Variants in DCC observed in about 807,000 individuals in gnomAD.
DCC encodes the protein DCC netrin 1 receptor.
A neutral mutation model predicts 172.5 loss-of-function variants in DCC; 58 were observed. That is an observed-to-expected ratio of 0.34 (90% CI 0.27 to 0.42). The LOEUF (loss-of-function observed/expected upper bound fraction) is 0.42. Among genes scored for constraint, DCC ranks in the 10% least tolerant of loss-of-function variants. The pLI is 1.00. For missense variants in DCC, 1,740 were observed against 1,791.0 expected, an observed-to-expected ratio of 0.97 and a Z score of 0.51; for synonymous variants, 709 against 644.5, an observed-to-expected ratio of 1.10 and a Z score of -1.52.
At chr18:52,518,949 C>A (rs957245684) in intron 1 of DCC, among the ~76,000 whole-genome samples, 4 of 152,144 alleles carry the variant, frequency 2.6e-5, no homozygotes, top group Admixed American at 1.3e-4. Context: ...TAATTTGTAA[C>A]CCTAAATGAA....
At chr18:53,175,261 T>G (rs1054302708) in intron 8 of DCC, among the ~76,000 whole-genome samples, 3 of 151,902 alleles carry the variant, frequency 2.0e-5, no homozygotes, top group Admixed American at 6.6e-5. Flanking sequence ...CTTTGAAAAC[T>G]GGCACAAGAC....
At chr18:53,352,956 C>T (rs1471707060) in intron 15 of DCC, among the ~76,000 whole-genome samples, 1 of 152,028 alleles carries the variant, frequency 6.6e-6, no homozygotes, top group African/African-American at 2.4e-5. Context: ...ATATCTTGAC[C>T]TTACCATTAT....
At chr18:52,781,734 A>T (rs926534220) in intron 2 of DCC, among the ~76,000 whole-genome samples, 2 of 152,176 alleles carry the variant, frequency 1.3e-5, no homozygotes, top group African/African-American at 4.8e-5. Context: ...TATGAAGAGG[A>T]CTTTGTCTCT....
intron 1 of DCC, among the ~76,000 whole-genome samples, chr18:52,727,641 T>C (rs1242353831): frequency 2.0e-5 from 3 of 152,332 alleles, no homozygotes; most frequent in East Asian, 3.9e-4. Context: ...TTTTAATTTC[T>C]TTATGTTGAA....
intron 7 of DCC, among the ~76,000 whole-genome samples, chr18:53,150,858 C>A (rs549203609): frequency 6.6e-6 from 1 of 152,344 alleles, no homozygotes; most frequent in South Asian, 2.1e-4. Flanking sequence ...ACTCCTGAAA[C>A]CTAGCTCCGC....
chr18:53,235,561 C>G (rs2144625223), intron 12 of DCC, among the ~76,000 whole-genome samples: 1 of 152,224 alleles, frequency 6.6e-6, no homozygotes, highest in East Asian at 1.9e-4. Flanking sequence ...AAATTATGGA[C>G]TCTCCCACCT....
chr18:53,084,135 G>T (rs1309611470), intron 7 of DCC, among the ~76,000 whole-genome samples: 9 of 152,206 alleles, frequency 5.9e-5, no homozygotes, highest in Admixed American at 5.9e-4. Flanking sequence ...TCTGGTAAAG[G>T]CTTTCTTTCT....
chr18:52,869,432 C>A (rs2039282141), intron 2 of DCC, among the ~76,000 whole-genome samples: 1 of 152,182 alleles, frequency 6.6e-6, no homozygotes, highest in Non-Finnish European at 1.5e-5. Context: ...AGTGTGCCTG[C>A]ATTGGTCCAT....
At chr18:52,405,595 C>A (rs1450509192) in intron 1 of DCC, among the ~76,000 whole-genome samples, 1 of 151,018 alleles carries the variant, frequency 6.6e-6, no homozygotes, top group Non-Finnish European at 1.5e-5. Context: ...AATAAAATAC[C>A]TAGGAATCCA....
intron 2 of DCC, among the ~76,000 whole-genome samples, chr18:52,778,126 A>G (rs1354710984): frequency 6.6e-6 from 1 of 152,226 alleles, no homozygotes; most frequent in Admixed American, 6.5e-5. Flanking sequence ...AAGTCAGTAA[A>G]TAATGTCTAA....
intron 2 of DCC, among the ~76,000 whole-genome samples, chr18:52,756,340 T>G (rs1358382617): frequency 2.0e-5 from 3 of 152,148 alleles, no homozygotes; most frequent in African/African-American, 7.2e-5. Context: ...GACATTTGCC[T>G]TACCAATGAA....
intron 27 of DCC, among the ~76,000 whole-genome samples, chr18:53,511,996 C>T (rs931568903): frequency 1.6e-4 from 24 of 152,316 alleles, no homozygotes; most frequent in Non-Finnish European, 3.1e-4. Context: ...CCTCTGTAGG[C>T]TCCACCTCTG....
At chr18:52,782,930 C>T (rs12954638) in intron 2 of DCC, among the ~76,000 whole-genome samples, 8,122 of 152,124 alleles carry the variant, frequency 0.053, 274 homozygotes, top group Middle Eastern at 0.11. Context: ...GGTAAATCAT[C>T]ACTATTTGTT....
At chr18:52,945,905 C>T (rs2040537913) in intron 5 of DCC, among the ~76,000 whole-genome samples, 1 of 152,166 alleles carries the variant, frequency 6.6e-6, no homozygotes, top group Admixed American at 6.5e-5. Flanking sequence ...CATCTGAATT[C>T]CTCTGGAAAA....
chr18:53,251,735 A>G (rs997408090), intron 12 of DCC, among the ~76,000 whole-genome samples: 1 of 152,020 alleles, frequency 6.6e-6, no homozygotes, highest in Non-Finnish European at 1.5e-5. Context: ...AATAATAAGA[A>G]GAATAGATGC....
At chr18:52,350,966 T>C (rs974372378) in intron 1 of DCC, among the ~76,000 whole-genome samples, 8 of 152,170 alleles carry the variant, frequency 5.3e-5, no homozygotes, top group African/African-American at 1.7e-4. Flanking sequence ...CCCAGTGAGA[T>C]AAATATGCTA....
chr18:53,298,837 T>C (rs2879512), intron 12 of DCC, among the ~76,000 whole-genome samples: 5,595 of 152,184 alleles, frequency 0.037, 352 homozygotes, highest in African/African-American at 0.13. Flanking sequence ...ATGAGTATAA[T>C]TGCCAAGTAG....
At chr18:53,238,084 A>G (rs2144630630) in intron 12 of DCC, among the ~76,000 whole-genome samples, 1 of 152,274 alleles carries the variant, frequency 6.6e-6, no homozygotes, top group South Asian at 2.1e-4. Context: ...CAGGGGTTCA[A>G]AGCAATTTGT....
At chr18:53,157,277 A>C in intron 7 of DCC, 79 bp from the exon 8 acceptor site, 1 of 1,562,718 alleles carries the variant, frequency 6.4e-7, no homozygotes, top group East Asian at 2.2e-5. Context: ...ATGCTTGCTA[A>C]TAGGTTGGCT....
Sources: allele counts gnomAD v4.1 joint callset (sites outside exome capture counted in the v4.1 genomes callset), GRCh38; gene constraint gnomAD v4.1.1; transcripts MANE v1.5; gene names NCBI Gene and HGNC (gene_info 2026-07-23, HGNC 2026-07-21).